MYO16: variants seen among roughly 807,000 people sequenced by gnomAD.
MYO16 encodes the protein unconventional myosin-XVI.
Under a neutral mutation model 205.3 loss-of-function variants are expected in MYO16, and 94 were observed. That is an observed-to-expected ratio of 0.46 (90% CI 0.39 to 0.54). MYO16 has a LOEUF of 0.54. Ranked by LOEUF, MYO16 falls within the 20% of genes least tolerant of loss-of-function variation. MYO16 has a pLI of 0.00. For missense variants in MYO16, 2,315 were observed against 2,387.5 expected, an observed-to-expected ratio of 0.97 and a Z score of 0.63; for synonymous variants, 988 against 954.0, an observed-to-expected ratio of 1.04 and a Z score of -0.66.
intron 34 of MYO16, among the ~76,000 whole-genome samples, chr13:109,181,816 A>ATTTTTTTTTT (rs61381548): frequency 7.9e-6 from 1 of 126,262 alleles, no homozygotes; most frequent in African/African-American, 3.5e-5. Flanking sequence ...TTATTTATTT[A>ATTTTTTTTTT]TTTTATTTTA....
At chr13:109,017,855 G>A (rs1053489974) in intron 22 of MYO16, among the ~76,000 whole-genome samples, 42 of 148,642 alleles carry the variant, frequency 2.8e-4, no homozygotes, top group Non-Finnish European at 4.5e-5. Context: ...ATTCTAGTTA[G>A]CCATTCGTCT....
At chr13:108,921,390 A>G (rs1425779931) in intron 16 of MYO16, among the ~76,000 whole-genome samples, 1 of 152,196 alleles carries the variant, frequency 6.6e-6, no homozygotes, top group Non-Finnish European at 1.5e-5. Context: ...CACAGTGACC[A>G]TTGGTGACCA....
chr13:108,823,011 C>T, intron 8 of MYO16, 114 bp from the exon 9 acceptor site: 1 of 1,006,142 alleles, frequency 9.9e-7, no homozygotes, highest in Non-Finnish European at 1.4e-6. Flanking sequence ...TGTTTTGATT[C>T]ATACATTGAT....
At position 108,629,664 on chromosome 13, in the gene MYO16, C is replaced by T. The variant is rs1337678217; in HGVS notation, c.-181C>T. On this transcript the variant is annotated 5_prime_UTR_variant, in exon 1 of 35. Coordinates refer to ENST00000457511, the MANE Select transcript of MYO16 (RefSeq NM_001198950.3). ...AGAGGCTTATCTTAACTCCAGCTGC[C>T]GAATGAGAATGAGTTTGAAGCTTTT... 8 of 549,488 alleles carry T rather than the reference C, an allele frequency of 1.5e-5. No homozygotes were observed. Among genetic ancestry groups the T allele is most frequent in the South Asian group, 3.1e-5 (1 of 32,654 alleles). The allele number at this position is 549,488 out of a possible 1,614,324, so 34.0% of individuals were successfully genotyped here.
chr13:108,546,676 C>T, the MYO16 span, among the ~76,000 whole-genome samples: 23 of 152,148 alleles, frequency 1.5e-4, no homozygotes, highest in South Asian at 4.2e-4. Context: ...TTCCAGAGTG[C>T]GTCATTATAC....
intron 34 of MYO16, among the ~76,000 whole-genome samples, chr13:109,197,582 T>C (rs1042774893): frequency 1.3e-5 from 2 of 152,196 alleles, no homozygotes; most frequent in Non-Finnish European, 2.9e-5. Flanking sequence ...CACCATAGTC[T>C]TGTGAGGCAG....
intron 33 of MYO16, among the ~76,000 whole-genome samples, 174 bp from the exon 34 acceptor site, chr13:109,179,368 A>G (rs550268793): frequency 6.6e-6 from 1 of 152,360 alleles, no homozygotes. Context: ...AAGCTGCCAC[A>G]ATACTGTGCA....
the MYO16 span, among the ~76,000 whole-genome samples, chr13:108,559,751 T>G: frequency 6.6e-6 from 1 of 152,068 alleles, no homozygotes; most frequent in Non-Finnish European, 1.5e-5. Flanking sequence ...ATTACAGGTG[T>G]GAGCCACAGC....
intron 12 of MYO16, among the ~76,000 whole-genome samples, chr13:108,870,027 A>C (rs1206397524): frequency 2.6e-5 from 4 of 151,564 alleles, no homozygotes; most frequent in Non-Finnish European, 4.4e-5. Context: ...TTTAGTAATT[A>C]AACCTTAAGA....
chr13:108,920,728 A>G (rs1195461212), intron 16 of MYO16, among the ~76,000 whole-genome samples: 1 of 152,138 alleles, frequency 6.6e-6, no homozygotes, highest in East Asian at 1.9e-4. Flanking sequence ...CAAAGTGCTG[A>G]GATTACAGGC....
At chr13:108,553,916 T>C in the MYO16 span, among the ~76,000 whole-genome samples, 1 of 152,076 alleles carries the variant, frequency 6.6e-6, no homozygotes, top group South Asian at 2.1e-4. Context: ...GAGAAAAGTG[T>C]GTTGGAAGCA....
At position 108,693,825 on chromosome 13, in the gene MYO16, C is replaced by A. The variant is rs78753907; in HGVS notation, c.293-18836C>A. Among the ~76,000 whole-genome samples the A allele has an allele frequency of 2.6e-5, 4 of 152,214 alleles. No homozygotes were observed. The South Asian group carries it at 8.3e-4, about 32-fold the overall frequency. ...CACCATCCAGGTATAAAGCCTAGTA[C>A]CTAGTAGCTGTTTTTTTGATTCTGT... On this transcript the variant is annotated intron_variant, in intron 2 of 34. Coordinates refer to ENST00000457511, the MANE Select transcript of MYO16 (RefSeq NM_001198950.3).
At chr13:109,112,081 G>C (rs1232530925) in intron 28 of MYO16, among the ~76,000 whole-genome samples, 1 of 152,138 alleles carries the variant, frequency 6.6e-6, no homozygotes, top group Non-Finnish European at 1.5e-5. Context: ...AGAATGCTAT[G>C]GGCCCTGTAC....
chr13:108,934,439 GTTAT>G (rs1882390475), intron 16 of MYO16, among the ~76,000 whole-genome samples: 1 of 152,000 alleles, frequency 6.6e-6, no homozygotes, highest in Admixed American at 6.6e-5. Flanking sequence ...TTTCACAGGG[GTTAT>G]TTGTTTTTTG....
In MYO16 at chr13:108,908,986, TA is replaced by T. The variant is rs1414592040; in HGVS notation, c.1778-1013del. Among the ~76,000 whole-genome samples, 68 of 139,006 alleles carry T rather than the reference TA, an allele frequency of 4.9e-4. No homozygotes were observed. The South Asian group carries it at 7.5e-3, about 15-fold the overall frequency. The allele number at this position is 139,006 out of a possible 152,430, so 91.2% of individuals were successfully genotyped here. A position where few individuals can be genotyped will look rare whatever the true frequency, so the allele number is the denominator to read the frequency against. ...AGACTGTGTCTCAAAAAAAATAAAA[TA>T]AAATAAATAAATAAATAAATAAATA... On this transcript the variant is annotated intron_variant, in intron 15 of 34. Coordinates refer to ENST00000457511, the MANE Select transcript of MYO16 (RefSeq NM_001198950.3).
At chr13:109,154,229 C>T (rs1365349310) in intron 32 of MYO16, among the ~76,000 whole-genome samples, 3 of 152,206 alleles carry the variant, frequency 2.0e-5, no homozygotes, top group African/African-American at 4.8e-5. Context: ...CTGCCACACT[C>T]TTATTAAAAT....
At position 108,941,192 on chromosome 13, in the gene MYO16, C is replaced by T. The variant is rs370500369; in HGVS notation, c.1926-16496C>T. Among the ~76,000 whole-genome samples the T allele has an allele frequency of 2.2e-4, 33 of 152,198 alleles. No individual in the cohort carries two copies. In the South Asian group the frequency reaches 6.4e-3, roughly 30 times the overall value. On this transcript the variant is annotated intron_variant, in intron 16 of 34. Transcript: ENST00000457511. Reference sequence around the variant, plus strand: ...GCTGCTCTGGGCAAGGCCTTCTGTGCCTGATGAGTGGTTTTGGTAGAATCT... The same window carrying T: ...GCTGCTCTGGGCAAGGCCTTCTGTGTCTGATGAGTGGTTTTGGTAGAATCT...
At chr13:108,700,778 T>A (rs1457602658) in intron 2 of MYO16, among the ~76,000 whole-genome samples, 1 of 151,950 alleles carries the variant, frequency 6.6e-6, no homozygotes, top group African/African-American at 2.4e-5. Context: ...ACCTGGAAAA[T>A]GAGAGGTCCA....
chr13:108,519,325 A>C, the MYO16 span, among the ~76,000 whole-genome samples: 22,159 of 152,180 alleles, frequency 0.15, 1,965 homozygotes, highest in Non-Finnish European at 0.2. Context: ...TTTATAAAGT[A>C]AAACAGGCTG....
Sources: allele counts gnomAD v4.1 joint callset (sites outside exome capture counted in the v4.1 genomes callset), GRCh38; gene constraint gnomAD v4.1.1; transcripts MANE v1.5; gene names NCBI Gene and HGNC (gene_info 2026-07-23, HGNC 2026-07-21).